The following IQCJ variants were observed in gnomAD, a reference collection of about 807,000 sequenced individuals.
IQCJ encodes IQ domain-containing protein J.
A neutral mutation model predicts 11.0 loss-of-function variants in IQCJ; 9 were observed. That is an observed-to-expected ratio of 0.82 (90% CI 0.49 to 1.43). The LOEUF (loss-of-function observed/expected upper bound fraction) is 1.43, where lower values mean the gene tolerates loss of function less well. Ranked by LOEUF, IQCJ falls within the 40% of genes most tolerant of loss-of-function variation. The pLI is 0.00. For synonymous variants in IQCJ, 55 were observed against 51.3 expected (o/e 1.07, Z -0.31); for missense variants, 146 against 133.2 (o/e 1.10, Z -0.47).
chr3:159,195,835 G>T (rs565558370), intron 1 of IQCJ, among the ~76,000 whole-genome samples: 2 of 152,312 alleles, frequency 1.3e-5, no homozygotes, highest in African/African-American at 4.8e-5. Context: ...GTCCTCAGTA[G>T]CAGAAAGACA....
In IQCJ at chr3:159,086,544, C is replaced by T. The variant is rs376653905; in HGVS notation, c.9+17103C>T. The stretch of plus-strand genomic sequence containing the variant: ...TTTCACGATATTGATTCTTTCTACC[C>T]GTGAGCATGGAATATTCTTCCATTT... On this transcript the variant is annotated intron_variant, in intron 1 of 3. Transcript: ENST00000397832. Among the ~76,000 whole-genome samples, 9 of 152,268 alleles carry T rather than the reference C, an allele frequency of 5.9e-5. No homozygotes were observed. The South Asian group carries it at 6.2e-4, about 11-fold the overall frequency.
intron 1 of IQCJ, among the ~76,000 whole-genome samples, chr3:159,219,545 A>C (rs569175383): frequency 6.6e-6 from 1 of 152,322 alleles, no homozygotes; most frequent in South Asian, 2.1e-4. Context: ...GAGGAGGAGA[A>C]GGTAAATTTT....
intron 1 of IQCJ, among the ~76,000 whole-genome samples, chr3:159,224,154 C>A (rs1001086490): frequency 6.6e-6 from 1 of 151,576 alleles, no homozygotes; most frequent in African/African-American, 2.4e-5. Flanking sequence ...TTTGTCAGAG[C>A]AAATAGCAAC....
chr3:159,139,444 C>A lies in IQCJ; in HGVS notation c.9+70003C>A, dbSNP rs143652765. Among the ~76,000 whole-genome samples the A allele has an allele frequency of 9.8e-5, 15 of 152,306 alleles. No individual in the cohort carries two copies. The East Asian group carries it at 2.5e-3, about 25-fold the overall frequency. On this transcript the variant is annotated intron_variant, in intron 1 of 3. Transcript: ENST00000397832. ...CTCCTGGTCATGGTTGGTTTCTTCT[C>A]CCTGGTATTATTTACACATATATTT...
chr3:159,104,241 A>G (rs893982299), intron 1 of IQCJ, among the ~76,000 whole-genome samples: 4 of 152,220 alleles, frequency 2.6e-5, no homozygotes, highest in Admixed American at 2.6e-4. Context: ...ACCTGGATTT[A>G]GAAGTGAGCT....
intron 1 of IQCJ, among the ~76,000 whole-genome samples, chr3:159,070,547 G>T (rs914014327): frequency 6.6e-6 from 1 of 152,046 alleles, no homozygotes; most frequent in Non-Finnish European, 1.5e-5. Context: ...AAAAATAACT[G>T]ATCTTGAGTA....
At chr3:159,226,440 C>T (rs1049933626) in intron 1 of IQCJ, among the ~76,000 whole-genome samples, 4 of 152,138 alleles carry the variant, frequency 2.6e-5, no homozygotes, top group Admixed American at 2.0e-4. Flanking sequence ...CTCTTATCAC[C>T]CCTATCACTC....
At chr3:159,163,452 C>T (rs557665936) in intron 1 of IQCJ, among the ~76,000 whole-genome samples, 4 of 152,176 alleles carry the variant, frequency 2.6e-5, no homozygotes, top group Non-Finnish European at 5.9e-5. Context: ...CTATGACAAA[C>T]CCACAGCCAG....
intron 1 of IQCJ, among the ~76,000 whole-genome samples, chr3:159,230,578 C>T (rs936535936): frequency 1.3e-5 from 2 of 152,086 alleles, no homozygotes; most frequent in Non-Finnish European, 1.5e-5. Context: ...ACAGTGATGC[C>T]TGCTTCATAC....
At chr3:159,106,474 C>G (rs1476573011) in intron 1 of IQCJ, among the ~76,000 whole-genome samples, 1 of 151,636 alleles carries the variant, frequency 6.6e-6, no homozygotes, top group Non-Finnish European at 1.5e-5. Flanking sequence ...GAGGAGCAAC[C>G]AGCAAGAGAG....
downstream of IQCJ, among the ~76,000 whole-genome samples, chr3:159,263,916 C>G (rs1186341842): frequency 6.6e-6 from 1 of 152,122 alleles, no homozygotes; most frequent in Non-Finnish European, 1.5e-5. Context: ...TAACTGACCT[C>G]ACTATCACTA....
In IQCJ at chr3:159,116,370, T is replaced by C. The variant is rs759030057; in HGVS notation, c.9+46929T>C. Among the ~76,000 whole-genome samples the C allele has an allele frequency of 4.2e-4, 64 of 152,076 alleles. 1 individual carries two copies. The highest frequency in any genetic ancestry group is 8.4e-4 in the Non-Finnish European group (57 of 67,998). ...TTCAGGGATATATGGAAGTCTTTGT[T>C]CACTTTCTCCAACACTGTCTCTTTT... On this transcript the variant is annotated intron_variant, in intron 1 of 3. Coordinates refer to ENST00000397832, the MANE Select transcript of IQCJ (RefSeq NM_001042706.3).
At chr3:159,191,076 C>T (rs1210202006) in intron 1 of IQCJ, among the ~76,000 whole-genome samples, 1 of 152,190 alleles carries the variant, frequency 6.6e-6, no homozygotes, top group Non-Finnish European at 1.5e-5. Flanking sequence ...ATGTAGTCAA[C>T]AGCAATTGGA....
intron 1 of IQCJ, among the ~76,000 whole-genome samples, chr3:159,177,596 C>G (rs571166283): frequency 6.6e-6 from 1 of 152,250 alleles, no homozygotes; most frequent in East Asian, 1.9e-4. Flanking sequence ...AGGACCAGAG[C>G]TGGAGGGAAG....
intron 1 of IQCJ, among the ~76,000 whole-genome samples, chr3:159,079,419 A>G (rs1175773704): frequency 6.6e-6 from 1 of 152,138 alleles, no homozygotes; most frequent in Non-Finnish European, 1.5e-5. Flanking sequence ...CTAGATAATA[A>G]GCAATGAAAG....
At chr3:159,228,214 G>A (rs1486399508) in intron 1 of IQCJ, among the ~76,000 whole-genome samples, 1 of 152,178 alleles carries the variant, frequency 6.6e-6, no homozygotes, top group African/African-American at 2.4e-5. Context: ...AGATGTAATA[G>A]TAGTTTTAAT....
At chr3:159,212,387 G>A (rs1226038360) in intron 1 of IQCJ, among the ~76,000 whole-genome samples, 1 of 152,098 alleles carries the variant, frequency 6.6e-6, no homozygotes, top group Non-Finnish European at 1.5e-5. Context: ...GCTTACCCTG[G>A]GCAGTGGTTG....
intron 1 of IQCJ, among the ~76,000 whole-genome samples, chr3:159,150,375 C>T (rs144487748): frequency 2.6e-5 from 4 of 152,166 alleles, no homozygotes; most frequent in Non-Finnish European, 5.9e-5. Context: ...GTATGTCTTC[C>T]GGTTCCCATT....
chr3:159,107,331 G>T (rs1324871387), intron 1 of IQCJ, among the ~76,000 whole-genome samples: 1 of 152,186 alleles, frequency 6.6e-6, no homozygotes, highest in Non-Finnish European at 1.5e-5. Flanking sequence ...ACAGCTAGAA[G>T]ATACTTTCCA....
Sources: allele counts gnomAD v4.1 joint callset (sites outside exome capture counted in the v4.1 genomes callset), GRCh38; gene constraint gnomAD v4.1.1; transcripts MANE v1.5; gene names NCBI Gene and HGNC (gene_info 2026-07-23, HGNC 2026-07-21).